Variants in SPHKAP observed in about 807,000 individuals in gnomAD.
SPHKAP encodes the protein SPHK1 interactor, AKAP domain containing.
Under a neutral mutation model 137.5 loss-of-function variants are expected in SPHKAP, and 67 were observed. That is an observed-to-expected ratio of 0.49 (90% CI 0.40 to 0.60). The LOEUF is 0.60. Ranked by LOEUF, SPHKAP falls within the 20% of genes least tolerant of loss-of-function variation. The pLI is 0.00. For missense variants in SPHKAP, 2,097 were observed against 2,069.3 expected (o/e 1.01, Z -0.26); for synonymous variants, 813 against 785.3 (o/e 1.04, Z -0.59).
At chr2:228,140,092 C>T (rs1162468541) in intron 1 of SPHKAP, among the ~76,000 whole-genome samples, 4 of 151,430 alleles carry the variant, frequency 2.6e-5, no homozygotes. Context: ...TCATAGGCAC[C>T]CACCACCATG....
chr2:228,096,996 C>A (rs192759402), intron 3 of SPHKAP, among the ~76,000 whole-genome samples: 18 of 152,168 alleles, frequency 1.2e-4, no homozygotes, highest in Admixed American at 7.9e-4. Flanking sequence ...CTTTTTTAAG[C>A]TATCACTTCT....
At chr2:227,987,457 G>A (rs549298410) in intron 11 of SPHKAP, among the ~76,000 whole-genome samples, 2 of 152,230 alleles carry the variant, frequency 1.3e-5, no homozygotes, top group Non-Finnish European at 2.9e-5. Context: ...CTTGCTCACT[G>A]TATCTCCAGG....
chr2:228,083,681 C>T (rs1231679145), intron 3 of SPHKAP, among the ~76,000 whole-genome samples: 1 of 152,124 alleles, frequency 6.6e-6, no homozygotes, highest in African/African-American at 2.4e-5. Context: ...TTGGAACCAA[C>T]CCAAATGCCC....
chr2:228,074,888 T>C (rs1697126403), intron 3 of SPHKAP, among the ~76,000 whole-genome samples: 2 of 152,058 alleles, frequency 1.3e-5, no homozygotes, highest in East Asian at 3.9e-4. Context: ...CACTCTCTCA[T>C]TACTTGACAA....
intron 11 of SPHKAP, among the ~76,000 whole-genome samples, chr2:227,983,136 ATTTG>A (rs1341236947): frequency 5.9e-5 from 9 of 151,854 alleles, no homozygotes; most frequent in African/African-American, 2.2e-4. Context: ...ATTTTTTGGT[ATTTG>A]TTTGCTCAGA....
chr2:228,092,618 T>C (rs190220787), intron 3 of SPHKAP, among the ~76,000 whole-genome samples: 8 of 146,876 alleles, frequency 5.4e-5, no homozygotes, highest in Admixed American at 4.8e-4. Context: ...ATATGTGCCA[T>C]ATATATGTGT....
At chr2:228,146,581 T>C (rs1216239162) in intron 1 of SPHKAP, among the ~76,000 whole-genome samples, 1 of 152,212 alleles carries the variant, frequency 6.6e-6, no homozygotes. Context: ...CACCCTCAAA[T>C]TAACACCATT....
chr2:228,156,561 A>G (rs1206144095), intron 1 of SPHKAP, among the ~76,000 whole-genome samples: 1 of 152,226 alleles, frequency 6.6e-6, no homozygotes, highest in Non-Finnish European at 1.5e-5. Flanking sequence ...AAGCAATTGT[A>G]AAACCAAGTA....
Position 228,019,022 on chromosome 2 carries a change from C to A in SPHKAP, c.1832G>T (p.Gly611Val), listed in dbSNP as rs2106214250. The change falls in exon 7 of 12, where the codon GGC becomes GTC. Residue 611 changes from glycine (G) to valine (V), a missense_variant. Gly to Val is a moderately radical substitution (Grantham distance 109). Coordinates refer to ENST00000392056, the MANE Select transcript of SPHKAP (RefSeq NM_001142644.2). ...PLCGLASMEL[G>V]KEAIAKGLLK... is the part of the protein sequence containing the mutation. ...CAATCCCTTGGCAATGGCTTCCTTG[C>A]CAAGCTCCATGCTTGCTAAACCACA... 6.2e-7 allele frequency: 1 copy of A among 1,614,014 alleles called. No individual in the cohort carries two copies. The highest frequency in any genetic ancestry group is 1.3e-5 in the African/African-American group (1 of 75,060).
intron 11 of SPHKAP, among the ~76,000 whole-genome samples, chr2:227,983,895 C>T (rs572483351): frequency 9.1e-4 from 138 of 152,146 alleles, no homozygotes; most frequent in Non-Finnish European, 1.5e-3. Flanking sequence ...TTTCTTATCA[C>T]GTGGTGACTG....
At chr2:228,148,106 G>T (rs1031166499) in intron 1 of SPHKAP, among the ~76,000 whole-genome samples, 1 of 152,122 alleles carries the variant, frequency 6.6e-6, no homozygotes, top group African/African-American at 2.4e-5. Context: ...TCTTTGGGGT[G>T]CTCTCGTTTT....
In SPHKAP at chr2:228,085,583, A is replaced by G. The variant is rs563471438; in HGVS notation, c.246+23249T>C. ...TAAGTAGCTTTTAGCTGACAATTGT[A>G]TTACAGGTCAACACATGTCATATTA... On this transcript the variant is annotated intron_variant, in intron 3 of 11. Transcript: ENST00000392056. 2.5e-3 allele frequency among the ~76,000 whole-genome samples: 382 copies of G among 152,346 alleles called. 1 individual carries two copies. The highest frequency in any genetic ancestry group is 0.014 in the Middle Eastern group (4 of 294).
At chr2:227,999,922 CAG>C (rs1268920395) in intron 7 of SPHKAP, among the ~76,000 whole-genome samples, 3 of 152,186 alleles carry the variant, frequency 2.0e-5, no homozygotes, top group Non-Finnish European at 4.4e-5. Flanking sequence ...TCTCAGTTGG[CAG>C]AGATTTTAGA....
intron 11 of SPHKAP, among the ~76,000 whole-genome samples, chr2:227,986,454 C>T (rs1217407697): frequency 1.3e-5 from 2 of 152,220 alleles, no homozygotes; most frequent in East Asian, 3.9e-4. Flanking sequence ...TAAGAGACTA[C>T]AAATTGGGTT....
rs749167609 is a variant in SPHKAP at position 228,181,628 on chromosome 2, G to A, written c.-30C>T. ...GGTGGGCGCCCAGAGAAGAAAGACG[G>A]AAAGTGCAGGCGAAGGATAAGTCTG... On this transcript the variant is annotated 5_prime_UTR_variant, in exon 1 of 12. Transcript: ENST00000392056. The surrounding 1 kb of genome is among the most constrained non-coding windows in gnomAD (Gnocchi z 4.3). 3.7e-6 allele frequency: 6 copies of A among 1,614,162 alleles called. No homozygotes were observed. The South Asian group carries it at 6.6e-5, about 18-fold the overall frequency.
At chr2:228,062,746 A>G (rs1696696165) in intron 3 of SPHKAP, among the ~76,000 whole-genome samples, 1 of 152,234 alleles carries the variant, frequency 6.6e-6, no homozygotes, top group Admixed American at 6.5e-5. Flanking sequence ...CAAAATCATA[A>G]TATTAGAAAT....
At chr2:228,046,150 C>A (rs1030664183) in intron 3 of SPHKAP, among the ~76,000 whole-genome samples, 1 of 152,038 alleles carries the variant, frequency 6.6e-6, no homozygotes, top group South Asian at 2.1e-4. Context: ...AATCAGTACA[C>A]AATGTATACA....
intron 1 of SPHKAP, among the ~76,000 whole-genome samples, chr2:228,179,151 T>C (rs10200875): frequency 0.12 from 17,696 of 152,184 alleles, 1,039 homozygotes; most frequent in East Asian, 0.19. Context: ...TTAAGTAGAA[T>C]GTCTTAAATT....
intron 8 of SPHKAP, among the ~76,000 whole-genome samples, chr2:227,994,614 G>C (rs775129476): frequency 3.9e-5 from 6 of 152,126 alleles, no homozygotes; most frequent in Non-Finnish European, 8.8e-5. Context: ...TAGCTTTTGA[G>C]GGGGGCACCA....
Sources: allele counts gnomAD v4.1 joint callset (sites outside exome capture counted in the v4.1 genomes callset), GRCh38; gene constraint gnomAD v4.1.1; non-coding constraint Gnocchi (gnomAD v3.1); transcripts MANE v1.5; gene names NCBI Gene and HGNC (gene_info 2026-07-23, HGNC 2026-07-21).